Variants in TEKT5 observed in about 807,000 individuals in gnomAD.
The protein encoded by TEKT5 is tektin-5.
A neutral mutation model predicts 48.7 loss-of-function variants in TEKT5; 52 were observed. The observed-to-expected ratio is 1.07, with a 90% CI of 0.86 to 1.35. The LOEUF (loss-of-function observed/expected upper bound fraction) is 1.35. Among genes scored for constraint, TEKT5 ranks in the 40% most tolerant of loss-of-function variants. The pLI is 0.00. For missense variants in TEKT5, 831 were observed against 641.6 expected (o/e 1.30, Z -3.19); for synonymous variants, 318 against 267.6 (o/e 1.19, Z -1.84).
rs35503579 is a variant in TEKT5, at chr16:10,632,869, GACACACAC to G, written c.1241+2887_1241+2894del. Among the ~76,000 whole-genome samples the G allele has an allele frequency of 7.6e-3, 997 of 131,704 alleles. 9 individuals carry two copies. Among genetic ancestry groups the G allele is most frequent in the African/African-American group, 0.021 (753 of 35,706 alleles). The allele number at this position is 131,704 out of a possible 152,430, so 86.4% of individuals were successfully genotyped here. On this transcript the variant is annotated intron_variant, in intron 6 of 6. Transcript: ENST00000283025. Reference sequence around the variant, plus strand: ...CCAAAACACAACATACACAGATGCAGACACACACACACACACACACACACACACACACA... The same window carrying G: ...CCAAAACACAACATACACAGATGCAGACACACACACACACACACACACACA...
intron 5 of TEKT5, among the ~76,000 whole-genome samples, chr16:10,650,255 A>C (rs1898133750): frequency 6.6e-6 from 1 of 151,674 alleles, no homozygotes; most frequent in Non-Finnish European, 1.5e-5. Flanking sequence ...TGTGTGCGAC[A>C]AGGCCCGGCT....
At chr16:10,638,567 A>G (rs1311328556) in intron 5 of TEKT5, among the ~76,000 whole-genome samples, 1 of 152,208 alleles carries the variant, frequency 6.6e-6, no homozygotes, top group East Asian at 1.9e-4. Context: ...ATGATCATGA[A>G]GAGTTCGATT....
chr16:10,627,650 T>A lies in TEKT5; in HGVS notation c.1391A>T (p.Asp464Val). 1 of 1,614,176 alleles carries A rather than the reference T, an allele frequency of 6.2e-7. No individual in the cohort carries two copies. Among genetic ancestry groups the A allele is most frequent in the Non-Finnish European group, 8.5e-7 (1 of 1,180,042 alleles). The change falls in exon 7 of 7, where the codon GAC (aspartate) becomes GTC (valine). Residue 464 changes from aspartate (D) to valine (V), a missense_variant. Asp to Val is a radical substitution (Grantham distance 152). Transcript: ENST00000283025. ...LAIKANTLCI[D>V]KEKCMGMRKT... ...ACGCATGCCCATGCACTTCTCCTTG[T>A]CGATGCAGAGGGTGTTGGCCTTGAT...
intron 6 of TEKT5, among the ~76,000 whole-genome samples, chr16:10,632,812 T>G (rs1897856687): frequency 6.6e-6 from 1 of 151,620 alleles, no homozygotes. Flanking sequence ...TCCTATCATC[T>G]GCTCAATTCC....
At chr16:10,643,238 G>T (rs986503431) in intron 5 of TEKT5, among the ~76,000 whole-genome samples, 1 of 151,958 alleles carries the variant, frequency 6.6e-6, no homozygotes, top group African/African-American at 2.4e-5. Context: ...AATTTTCTGG[G>T]CCTGGTAGCT....
Position 10,694,551 on chromosome 16 carries a change from G to A in TEKT5, c.323C>T (p.Ser108Phe). 1 of 1,604,434 alleles carries A rather than the reference G, an allele frequency of 6.2e-7. No homozygotes were observed. The highest frequency in any genetic ancestry group is 8.5e-7 in the Non-Finnish European group (1 of 1,175,218). ...CGTCAGCCGGCTGGCCCACAGCCGG[G>A]AGGCCTCGGCCCCACGCACCTGCAG... ...NQLQVRGAEA[S>F]RLWASRLTDD... Residue 108 changes from serine (S) to phenylalanine (F), a missense_variant, in exon 1 of 7, where the codon TCC (serine) becomes TTC (phenylalanine). Physicochemically the swap from Ser to Phe is radical, Grantham distance 155. Transcript: ENST00000283025.
chr16:10,673,289 C>T (rs983303438), intron 5 of TEKT5, among the ~76,000 whole-genome samples: 2 of 152,266 alleles, frequency 1.3e-5, no homozygotes, highest in Non-Finnish European at 2.9e-5. Context: ...AAATCCAGCC[C>T]ACTGCCTAGT....
At chr16:10,650,682 G>A (rs931543336) in intron 5 of TEKT5, among the ~76,000 whole-genome samples, 2 of 151,748 alleles carry the variant, frequency 1.3e-5, no homozygotes, top group African/African-American at 2.4e-5. Flanking sequence ...TCAGGAGTTC[G>A]AGACCAGCCT....
chr16:10,627,521 T>C lies in TEKT5; in HGVS notation c.*62A>G. The C allele has an allele frequency of 1.9e-6, 3 of 1,559,662 alleles. No homozygotes were observed. Among genetic ancestry groups the C allele is most frequent in the Admixed American group, 1.7e-5 (1 of 59,324 alleles). ...GGCCCTTTCAAACAAAATACTGTTT[T>C]ACTTTGTTTCTCAGCCTTTTCCAAT... is the stretch of plus-strand genomic sequence containing the variant. On this transcript the variant is annotated 3_prime_UTR_variant, in exon 7 of 7. Coordinates refer to ENST00000283025, the MANE Select transcript of TEKT5 (RefSeq NM_144674.2).
chr16:10,680,907 C>T (rs1198518251), intron 4 of TEKT5, among the ~76,000 whole-genome samples: 1 of 149,510 alleles, frequency 6.7e-6, no homozygotes, highest in East Asian at 2.0e-4. Flanking sequence ...ATACCTAATG[C>T]TAGATGACGA....
intron 5 of TEKT5, among the ~76,000 whole-genome samples, chr16:10,655,101 A>C (rs1898238795): frequency 6.6e-6 from 1 of 152,060 alleles, no homozygotes; most frequent in African/African-American, 2.4e-5. Flanking sequence ...TTATTGCTGG[A>C]GAAAAAACTG....
At chr16:10,677,476 G>T (rs1199806364) in intron 4 of TEKT5, among the ~76,000 whole-genome samples, 1 of 146,576 alleles carries the variant, frequency 6.8e-6, no homozygotes, top group Non-Finnish European at 1.5e-5. Context: ...CGGGTGTGGT[G>T]GCACACGCCT....
intron 5 of TEKT5, among the ~76,000 whole-genome samples, chr16:10,656,564 T>C (rs1236296804): frequency 6.6e-6 from 1 of 152,026 alleles, no homozygotes; most frequent in Non-Finnish European, 1.5e-5. Context: ...TCTTGATTTA[T>C]TTATTGAGAA....
intron 5 of TEKT5, among the ~76,000 whole-genome samples, chr16:10,637,075 G>A (rs965380614): frequency 7.3e-5 from 11 of 150,970 alleles, no homozygotes; most frequent in Admixed American, 2.0e-4. Flanking sequence ...TCCGCCTCCG[G>A]GGTTCACGCC....
intron 5 of TEKT5, among the ~76,000 whole-genome samples, chr16:10,671,958 G>A (rs144470462): frequency 6.6e-6 from 1 of 152,180 alleles, no homozygotes; most frequent in African/African-American, 2.4e-5. Flanking sequence ...AATTCAAGAT[G>A]AGATCTGGGT....
intron 6 of TEKT5, among the ~76,000 whole-genome samples, chr16:10,634,287 C>T (rs922421327): frequency 6.6e-6 from 1 of 152,216 alleles, no homozygotes; most frequent in Non-Finnish European, 1.5e-5. Flanking sequence ...TCAGGGTGAA[C>T]TTCCCTTGCT....
At chr16:10,690,058 C>T (rs1258371578) in intron 1 of TEKT5, 33 bp from the exon 2 acceptor site, 2 of 1,608,812 alleles carry the variant, frequency 1.2e-6, no homozygotes, top group Non-Finnish European at 1.7e-6. Flanking sequence ...CGTATTCTTC[C>T]TGTAGCTGTA....
At chr16:10,642,049 A>G (rs531435893) in intron 5 of TEKT5, among the ~76,000 whole-genome samples, 46 of 152,350 alleles carry the variant, frequency 3.0e-4, no homozygotes, top group Non-Finnish European at 5.0e-4. Context: ...GACATGACAG[A>G]GCTACTGATA....
intron 5 of TEKT5, among the ~76,000 whole-genome samples, chr16:10,664,125 G>C (rs996530163): frequency 2.6e-5 from 4 of 152,194 alleles, no homozygotes; most frequent in African/African-American, 9.7e-5. Context: ...AATTAATTGT[G>C]TGTTTGCTTA....
Sources: allele counts gnomAD v4.1 joint callset (sites outside exome capture counted in the v4.1 genomes callset), GRCh38; gene constraint gnomAD v4.1.1; transcripts MANE v1.5; gene names NCBI Gene and HGNC (gene_info 2026-07-23, HGNC 2026-07-21).